Variants in ZCCHC2 observed in about 807,000 individuals in gnomAD.
ZCCHC2 encodes the protein zinc finger CCHC-type containing 2, also known as zinc finger CCHC domain-containing protein 2.
Under a neutral mutation model 103.6 loss-of-function variants are expected in ZCCHC2, and 39 were observed. That is an observed-to-expected ratio of 0.38 (90% confidence interval 0.29 to 0.49). ZCCHC2 has a LOEUF of 0.49. ZCCHC2 is among the 20% of genes least tolerant of loss of function. The probability of loss-of-function intolerance (pLI) is 0.96; values close to 1 mark genes in which losing one functional copy is unlikely to be tolerated. For synonymous variants in ZCCHC2, 687 were observed against 608.9 expected, an observed-to-expected ratio of 1.13 and a Z score of -1.89; for missense variants, 1,483 against 1,491.0, an observed-to-expected ratio of 0.99 and a Z score of 0.09.
chr18:62,561,353 T>C (rs1175752089), intron 8 of ZCCHC2, among the ~76,000 whole-genome samples: 1 of 152,250 alleles, frequency 6.6e-6, no homozygotes. Context: ...CTTTATTTCC[T>C]TGCATCTTAT....
At chr18:62,556,551 A>G (rs1337135958) in intron 6 of ZCCHC2, among the ~76,000 whole-genome samples, 1 of 152,088 alleles carries the variant, frequency 6.6e-6, no homozygotes, top group African/African-American at 2.4e-5. Context: ...CCAGTCCTTC[A>G]TTTCCTGGGC....
intron 1 of ZCCHC2, among the ~76,000 whole-genome samples, chr18:62,532,606 T>C (rs1455862548): frequency 1.3e-5 from 2 of 152,246 alleles, no homozygotes. Flanking sequence ...TTCATGCCAT[T>C]GTCTCTTGTA....
At chr18:62,576,452 A>G (rs1916844909) in intron 13 of ZCCHC2, 60 bp from the exon 14 acceptor site, 15 of 1,442,294 alleles carry the variant, frequency 1.0e-5, no homozygotes, top group African/African-American at 1.4e-5. Context: ...GCTTGTACGT[A>G]GTGGTTTGTG....
chr18:62,551,987 G>A (rs55986206), intron 5 of ZCCHC2: 33,418 of 151,768 alleles, frequency 0.22, 3,913 homozygotes, highest in South Asian at 0.31. Flanking sequence ...ATTGGGACCA[G>A]TGAGTATTCT....
chr18:62,526,723 G>A (rs950818254), intron 1 of ZCCHC2, among the ~76,000 whole-genome samples: 2 of 152,106 alleles, frequency 1.3e-5, no homozygotes, highest in Admixed American at 1.3e-4. Context: ...CCGCCTTAGG[G>A]GCTCGGAGGT....
chr18:62,523,376 G>GGGGGGGGGGGC lies in ZCCHC2; in HGVS notation c.-49_-48insGGGGGGGGGGC. ...GCCTCGGCCCGTGCTCCACCTCGCG[G>GGGGGGGGGGGC]CCCCTCCCGCCCGCCCCCGCTCGCA... On this transcript the variant is annotated 5_prime_UTR_variant, in exon 1 of 14. Coordinates refer to ENST00000269499, the MANE Select transcript of ZCCHC2 (RefSeq NM_017742.6). 9.9e-6 allele frequency: 10 copies of GGGGGGGGGGGC among 1,012,316 alleles called. No individual in the cohort carries two copies. The highest frequency in any genetic ancestry group is 1.2e-5 in the Non-Finnish European group (10 of 848,954). 62.7% of individuals were successfully genotyped at this position (1,012,316 alleles called of 1,614,324 possible).
At chr18:62,573,377 A>G (rs1378762330) in intron 12 of ZCCHC2, among the ~76,000 whole-genome samples, 1 of 152,146 alleles carries the variant, frequency 6.6e-6, no homozygotes, top group Non-Finnish European at 1.5e-5. Flanking sequence ...CTGATGCAGG[A>G]GTAGTAGCCG....
chr18:62,586,585 G>A (rs1917176106), exon 15 of ZCCHC2: 1 of 151,944 alleles, frequency 6.6e-6, no homozygotes, highest in South Asian at 2.1e-4. Context: ...ATAAACCAAG[G>A]GGCATCAACC....
At chr18:62,565,440 C>T (rs1312413033) in intron 11 of ZCCHC2, among the ~76,000 whole-genome samples, 1 of 152,092 alleles carries the variant, frequency 6.6e-6, no homozygotes, top group Non-Finnish European at 1.5e-5. Flanking sequence ...CTTTGCCGGC[C>T]GCTCATGAGA....
At chr18:62,576,425 A>C in intron 13 of ZCCHC2, 87 bp from the exon 14 acceptor site, 1 of 1,158,942 alleles carries the variant, frequency 8.6e-7, no homozygotes, top group Non-Finnish European at 1.3e-6. Context: ...CCTTGTGGAG[A>C]GCATGCCCGT....
chr18:62,580,447 A>C, downstream of ZCCHC2, among the ~76,000 whole-genome samples: 1 of 152,128 alleles, frequency 6.6e-6, no homozygotes, highest in Non-Finnish European at 1.5e-5. Flanking sequence ...AGTGATTTAC[A>C]CTCACACCAG....
chr18:62,542,703 T>G, intron 3 of ZCCHC2, 129 bp downstream of exon 3: 1 of 768,664 alleles, frequency 1.3e-6, no homozygotes. Flanking sequence ...GAATGTACTG[T>G]TTTTTATCAT....
At chr18:62,535,637 G>A (rs1347966542) in intron 1 of ZCCHC2, among the ~76,000 whole-genome samples, 1 of 152,182 alleles carries the variant, frequency 6.6e-6, no homozygotes, top group Non-Finnish European at 1.5e-5. Context: ...CTCATGTGGT[G>A]TCTCAGGACT....
intron 4 of ZCCHC2, among the ~76,000 whole-genome samples, chr18:62,545,452 A>G (rs979037283): frequency 4.6e-5 from 7 of 152,034 alleles, no homozygotes; most frequent in Non-Finnish European, 8.8e-5. Context: ...CTCACCCCCC[A>G]TATGATAGAA....
chr18:62,543,627 C>T (rs1019242596), intron 3 of ZCCHC2, among the ~76,000 whole-genome samples: 8 of 152,174 alleles, frequency 5.3e-5, no homozygotes, highest in Non-Finnish European at 7.3e-5. Context: ...TCCCCCATTT[C>T]CCCAGACCGA....
chr18:62,542,443 G>A, intron 2 of ZCCHC2, 55 bp from the exon 3 acceptor site: 2 of 1,432,318 alleles, frequency 1.4e-6, no homozygotes, highest in Non-Finnish European at 1.9e-6. Flanking sequence ...TTAGGTAAGT[G>A]AAATGTGTCT....
At chr18:62,579,759 G>A (rs897721324), downstream of ZCCHC2, among the ~76,000 whole-genome samples, 1 of 151,554 alleles carries the variant, frequency 6.6e-6, no homozygotes, top group African/African-American at 2.4e-5. Context: ...TTTAGCTCTT[G>A]CTGCCCAGGC....
At position 62,575,489 on chromosome 18, in the gene ZCCHC2, T is replaced by C; in HGVS notation, c.3408T>C (p.Cys1136=). The change falls in exon 13 of 14, where the codon TGT becomes TGC. Residue 1136 remains cysteine (C), a synonymous_variant. Coordinates refer to ENST00000269499, the MANE Select transcript of ZCCHC2 (RefSeq NM_017742.6). ...ATGGGAATGTCTCATGTTACAATTG[T>C]GGTGTAAGCGGACACTATGCACAGG... is the stretch of plus-strand genomic sequence containing the variant. ...KKNGNVSCYN[C]GVSGHYAQDC... 6.2e-7 allele frequency: 1 copy of C among 1,613,998 alleles called. No homozygotes were observed. Among genetic ancestry groups the C allele is most frequent in the South Asian group, 1.1e-5 (1 of 91,080 alleles).
chr18:62,534,934 C>A (rs1043365250), intron 1 of ZCCHC2, among the ~76,000 whole-genome samples: 2 of 152,206 alleles, frequency 1.3e-5, no homozygotes, highest in African/African-American at 2.4e-5. Context: ...TCAGTTACTG[C>A]CGTAGATCCT....
Sources: allele counts gnomAD v4.1 joint callset (sites outside exome capture counted in the v4.1 genomes callset), GRCh38; gene constraint gnomAD v4.1.1; transcripts MANE v1.5; gene names NCBI Gene and HGNC (gene_info 2026-07-23, HGNC 2026-07-21).